Variants in LPP observed in about 807,000 individuals in gnomAD.
LPP encodes the protein LIM domain containing preferred translocation partner in lipoma, also known as lipoma-preferred partner.
In LPP, 38 loss-of-function variants were observed where a neutral mutation model predicts 60.4. That is an observed-to-expected ratio of 0.63 (90% CI 0.49 to 0.83). The LOEUF (loss-of-function observed/expected upper bound fraction) is 0.83, where lower values mean the gene tolerates loss of function less well. LPP is among the 40% of genes least tolerant of loss of function. The pLI is 0.00. For synonymous variants in LPP, 328 were observed against 290.8 expected, an observed-to-expected ratio of 1.13 and a Z score of -1.30; for missense variants, 902 against 783.6, an observed-to-expected ratio of 1.15 and a Z score of -1.80.
chr3:188,854,394 T>C (rs1301460392), intron 9 of LPP, among the ~76,000 whole-genome samples: 2 of 152,234 alleles, frequency 1.3e-5, no homozygotes, highest in Non-Finnish European at 2.9e-5. Context: ...TTAATTCTCA[T>C]GAATGGGTCC....
At chr3:188,597,845 G>A (rs541165388) in intron 6 of LPP, among the ~76,000 whole-genome samples, 13 of 151,992 alleles carry the variant, frequency 8.6e-5, no homozygotes, top group Admixed American at 3.9e-4. Context: ...AAAAACATAT[G>A]GAAAAATCTC....
chr3:188,666,524 C>T (rs563413844), intron 7 of LPP, among the ~76,000 whole-genome samples: 2 of 152,264 alleles, frequency 1.3e-5, no homozygotes, highest in Admixed American at 6.5e-5. Flanking sequence ...GCTGTGTAAA[C>T]TTAGGTAAGA....
At position 188,205,533 on chromosome 3, in the gene LPP, C is replaced by T. The variant is rs186768802; in HGVS notation, c.-189-19872C>T. 3.4e-3 allele frequency among the ~76,000 whole-genome samples: 523 copies of T among 151,962 alleles called. 4 individuals carry two copies. Among genetic ancestry groups the T allele is most frequent in the African/African-American group, 0.011 (446 of 41,426 alleles). On this transcript the variant is annotated intron_variant, in intron 1 of 11. Transcript: ENST00000617246. ...CTGACCTCAAGTGATCTGCCTGCCT[C>T]GGCCTCCCAAAGTGCTGGGATTACA...
intron 4 of LPP, among the ~76,000 whole-genome samples, chr3:188,412,244 C>A (rs571266755): frequency 9.9e-5 from 15 of 152,116 alleles, no homozygotes; most frequent in African/African-American, 3.4e-4. Flanking sequence ...AATATAATAA[C>A]CTTTACCTTT....
At chr3:188,188,957 A>G (rs560104651) in intron 1 of LPP, among the ~76,000 whole-genome samples, 2 of 105,944 alleles carry the variant, frequency 1.9e-5, no homozygotes, top group Non-Finnish European at 4.0e-5. Context: ...CCCTATGGAA[A>G]AGACCTAAGC....
chr3:188,378,810 T>G (rs1342127312), intron 3 of LPP, among the ~76,000 whole-genome samples: 1 of 152,250 alleles, frequency 6.6e-6, no homozygotes, highest in African/African-American at 2.4e-5. Context: ...TCGCTCCCTC[T>G]GGGAGCTGTA....
chr3:188,750,088 G>T (rs1480355424), intron 8 of LPP, among the ~76,000 whole-genome samples: 1 of 152,098 alleles, frequency 6.6e-6, no homozygotes, highest in Non-Finnish European at 1.5e-5. Context: ...ATGGTGCTTT[G>T]TGCTACCTCC....
chr3:188,318,913 T>G (rs938812193), intron 2 of LPP, among the ~76,000 whole-genome samples: 1 of 150,754 alleles, frequency 6.6e-6, no homozygotes, highest in Non-Finnish European at 1.5e-5. Flanking sequence ...CGCGCGCCAC[T>G]ACGCCCGGCT....
At chr3:188,388,448 T>C (rs1341813637) in intron 3 of LPP, among the ~76,000 whole-genome samples, 1 of 152,130 alleles carries the variant, frequency 6.6e-6, no homozygotes, top group African/African-American at 2.4e-5. Context: ...CCTAGCCAGA[T>C]GCTGAGGTGC....
At chr3:188,657,814 A>G (rs555501696) in intron 7 of LPP, among the ~76,000 whole-genome samples, 5 of 152,352 alleles carry the variant, frequency 3.3e-5, no homozygotes, top group African/African-American at 7.2e-5. Flanking sequence ...CACCACTTCT[A>G]TGATAATACT....
chr3:188,332,444 T>TA (rs1760369952), intron 2 of LPP, among the ~76,000 whole-genome samples: 1 of 152,208 alleles, frequency 6.6e-6, no homozygotes, highest in Non-Finnish European at 1.5e-5. Context: ...CACAAACACT[T>TA]ACTAATCCCA....
chr3:188,551,690 T>G (rs1007131019), intron 6 of LPP, among the ~76,000 whole-genome samples: 2 of 152,130 alleles, frequency 1.3e-5, no homozygotes, highest in African/African-American at 4.8e-5. Context: ...TGGTGTGTAC[T>G]GTGGGTTGAG....
intron 6 of LPP, among the ~76,000 whole-genome samples, chr3:188,539,413 T>G (rs1044488220): frequency 1.3e-5 from 2 of 152,140 alleles, no homozygotes; most frequent in Non-Finnish European, 2.9e-5. Flanking sequence ...TAGGGAGTAT[T>G]TGCAAGAAGA....
chr3:188,248,058 A>G (rs1245392598), intron 2 of LPP, among the ~76,000 whole-genome samples: 1 of 152,090 alleles, frequency 6.6e-6, no homozygotes, highest in Non-Finnish European at 1.5e-5. Context: ...CTATTGATCT[A>G]GTCTTGATTT....
At chr3:188,490,953 A>G (rs1702668738) in intron 5 of LPP, among the ~76,000 whole-genome samples, 2 of 151,510 alleles carry the variant, frequency 1.3e-5, no homozygotes, top group Admixed American at 1.3e-4. Flanking sequence ...AGTAGAGACG[A>G]GGTTTCACCG....
chr3:188,565,745 A>G (rs1031137372), intron 6 of LPP, among the ~76,000 whole-genome samples: 1 of 152,048 alleles, frequency 6.6e-6, no homozygotes, highest in African/African-American at 2.4e-5. Context: ...CATATTTGAT[A>G]TTAAAATAAT....
chr3:188,449,011 A>T (rs1420479489), intron 4 of LPP, among the ~76,000 whole-genome samples: 5 of 152,228 alleles, frequency 3.3e-5, no homozygotes, highest in Non-Finnish European at 7.3e-5. Context: ...CTAAGATAGC[A>T]AAAAATAGAA....
chr3:188,741,163 A>G (rs1394227002), intron 8 of LPP, among the ~76,000 whole-genome samples: 1 of 150,168 alleles, frequency 6.7e-6, no homozygotes, highest in Non-Finnish European at 1.5e-5. Flanking sequence ...AACTAAAACC[A>G]TGAAATTTAT....
intron 2 of LPP, among the ~76,000 whole-genome samples, chr3:188,239,389 A>G (rs769292624): frequency 1.3e-5 from 2 of 152,270 alleles, no homozygotes; most frequent in Non-Finnish European, 2.9e-5. Context: ...GGTAGCAAAT[A>G]GAAACATGAG....
Sources: allele counts gnomAD v4.1 joint callset (sites outside exome capture counted in the v4.1 genomes callset), GRCh38; gene constraint gnomAD v4.1.1; transcripts MANE v1.5; gene names NCBI Gene and HGNC (gene_info 2026-07-23, HGNC 2026-07-21).